The following PLCB1 variants were observed in gnomAD, a reference collection of about 807,000 sequenced individuals.
PLCB1 encodes the protein 1-phosphatidylinositol 4,5-bisphosphate phosphodiesterase beta-1.
In PLCB1, 46 loss-of-function variants were observed where a neutral mutation model predicts 161.8. That is an observed-to-expected ratio of 0.28 (90% CI 0.22 to 0.36). The LOEUF (loss-of-function observed/expected upper bound fraction) is 0.36. PLCB1 is among the 10% of genes least tolerant of loss of function. PLCB1 has a pLI of 1.00. For missense variants in PLCB1, 1,016 were observed against 1,472.5 expected (o/e 0.69, Z 5.07); for synonymous variants, 517 against 503.7 (o/e 1.03, Z -0.35).
intron 3 of PLCB1, among the ~76,000 whole-genome samples, chr20:8,410,646 T>C (rs1482568667): frequency 6.6e-6 from 1 of 152,166 alleles, no homozygotes; most frequent in Non-Finnish European, 1.5e-5. Context: ...TTTAAGTTAA[T>C]TTGTAATTTT....
intron 1 of PLCB1, among the ~76,000 whole-genome samples, chr20:8,141,338 G>A (rs2051400987): frequency 6.6e-6 from 1 of 152,098 alleles, no homozygotes; most frequent in African/African-American, 2.4e-5. Context: ...AGACAAAAAG[G>A]GCAGGCCAGC....
At chr20:8,141,925 G>A (rs1194382156) in intron 1 of PLCB1, 1 of 152,186 alleles carries the variant, frequency 6.6e-6, no homozygotes, top group Non-Finnish European at 1.5e-5. Context: ...CAAGAATATG[G>A]TAGACATGAA....
At chr20:8,735,339 A>G (rs1980523400) in intron 19 of PLCB1, among the ~76,000 whole-genome samples, 1 of 152,204 alleles carries the variant, frequency 6.6e-6, no homozygotes, top group Non-Finnish European at 1.5e-5. Flanking sequence ...TGAGTTGTGA[A>G]GGGGAAATAG....
rs1291637840 is a variant in PLCB1, at chr20:8,383,084, T to C, written c.246+11634T>C. 2.6e-5 allele frequency among the ~76,000 whole-genome samples: 4 copies of C among 152,310 alleles called. No individual in the cohort carries two copies. In the South Asian group the frequency reaches 8.3e-4, roughly 32 times the overall value. ...CAGAGCTGAGTTCAAGTCCTGAATA[T>C]ACTTGTAAATTTTCTGTCTCATTGA... On this transcript the variant is annotated intron_variant, in intron 3 of 31. Transcript: ENST00000338037.
chr20:8,848,351 C>T (rs951131575), intron 31 of PLCB1, among the ~76,000 whole-genome samples: 1 of 152,154 alleles, frequency 6.6e-6, no homozygotes, highest in Non-Finnish European at 1.5e-5. Context: ...ATCTTTAGCT[C>T]TCCCACCAGG....
At chr20:8,226,216 C>T (rs1237174657) in intron 2 of PLCB1, among the ~76,000 whole-genome samples, 2 of 152,188 alleles carry the variant, frequency 1.3e-5, no homozygotes, top group Non-Finnish European at 2.9e-5. Context: ...TCACTGTGAA[C>T]TCTGGCCCCA....
chr20:8,650,362 C>T (rs925013532), intron 7 of PLCB1, among the ~76,000 whole-genome samples: 12 of 152,036 alleles, frequency 7.9e-5, no homozygotes, highest in African/African-American at 2.4e-4. Context: ...CCGCTTTCCA[C>T]GGTAATGATC....
intron 21 of PLCB1, 103 bp downstream of exon 21, chr20:8,739,463 G>C (rs566432235): frequency 5.3e-6 from 4 of 751,956 alleles, no homozygotes; most frequent in African/African-American, 5.2e-5. Context: ...TTTCTGCTTT[G>C]TAATTTTGTT....
At chr20:8,738,395 G>T (rs1237725413) in intron 20 of PLCB1, among the ~76,000 whole-genome samples, 1 of 152,040 alleles carries the variant, frequency 6.6e-6, no homozygotes. Flanking sequence ...GTGTGAGATG[G>T]TATCTCATTG....
chr20:8,761,980 G>GGGGC (rs1555788730), intron 25 of PLCB1, among the ~76,000 whole-genome samples: 1 of 151,690 alleles, frequency 6.6e-6, no homozygotes, highest in African/African-American at 2.4e-5. Flanking sequence ...AGGCCAAGGG[G>GGGGC]GGGGCGGATC....
At chr20:8,571,515 G>A (rs1476948496) in intron 3 of PLCB1, among the ~76,000 whole-genome samples, 1 of 152,084 alleles carries the variant, frequency 6.6e-6, no homozygotes, top group Non-Finnish European at 1.5e-5. Context: ...TAAAGGATCT[G>A]TTTGAGGATG....
At chr20:8,826,191 G>A (rs891246943) in intron 31 of PLCB1, among the ~76,000 whole-genome samples, 100 of 152,106 alleles carry the variant, frequency 6.6e-4, no homozygotes, top group African/African-American at 2.3e-3. Flanking sequence ...AGAGAATATA[G>A]CATGACAAAG....
At chr20:8,438,265 C>G (rs1399261729) in intron 3 of PLCB1, among the ~76,000 whole-genome samples, 1 of 151,994 alleles carries the variant, frequency 6.6e-6, no homozygotes, top group African/African-American at 2.4e-5. Context: ...ACCATATAAG[C>G]AAATAATTTC....
rs1223417914 is a variant in PLCB1 at position 8,765,305 on chromosome 20, C to T, written c.2877C>T (p.Tyr959=). 3 of 1,613,942 alleles carry T rather than the reference C, an allele frequency of 1.9e-6. No individual in the cohort carries two copies. The highest frequency in any genetic ancestry group is 2.5e-6 in the Non-Finnish European group (3 of 1,179,976). The change falls in exon 26 of 32, where the codon TAC becomes TAT. Residue 959 remains tyrosine, a synonymous_variant. Coordinates refer to ENST00000338037, the MANE Select transcript of PLCB1 (RefSeq NM_015192.4). Reference sequence around the variant, plus strand: ...AGTATAATGAAATTCAGAATGACTACTTGAGAAGGAGAGCCGCTTTGGAAA... The same window carrying T: ...AGTATAATGAAATTCAGAATGACTATTTGAGAAGGAGAGCCGCTTTGGAAA... ...TTKYNEIQND[Y]LRRRAALEKS... is the part of the protein sequence containing the mutation.
intron 2 of PLCB1, among the ~76,000 whole-genome samples, chr20:8,157,676 G>T (rs2051575818): frequency 6.6e-6 from 1 of 152,134 alleles, no homozygotes; most frequent in South Asian, 2.1e-4. Flanking sequence ...TATTAGAATG[G>T]AATCATTTAC....
At chr20:8,340,609 A>G (rs1985769698) in intron 2 of PLCB1, among the ~76,000 whole-genome samples, 1 of 151,868 alleles carries the variant, frequency 6.6e-6, no homozygotes, top group Admixed American at 6.6e-5. Context: ...GTTTTTTAGT[A>G]GAGACGGGGT....
At chr20:8,269,535 G>A (rs13044527) in intron 2 of PLCB1, among the ~76,000 whole-genome samples, 32,969 of 152,048 alleles carry the variant, frequency 0.22, 4,051 homozygotes, top group Non-Finnish European at 0.28. Context: ...CAGAGCTTTA[G>A]AAACCCGATG....
At chr20:8,164,253 A>G (rs1488402389) in intron 2 of PLCB1, among the ~76,000 whole-genome samples, 4 of 152,174 alleles carry the variant, frequency 2.6e-5, no homozygotes, top group Non-Finnish European at 1.5e-5. Flanking sequence ...CCAGGACACC[A>G]GGCAGAATGA....
chr20:8,651,665 G>A, intron 7 of PLCB1: 2 of 555,992 alleles, frequency 3.6e-6, no homozygotes, highest in Non-Finnish European at 6.3e-6. Context: ...TGAAACTCAA[G>A]GTTTCAAGGA....
Sources: allele counts gnomAD v4.1 joint callset (sites outside exome capture counted in the v4.1 genomes callset), GRCh38; gene constraint gnomAD v4.1.1; transcripts MANE v1.5; gene names NCBI Gene and HGNC (gene_info 2026-07-23, HGNC 2026-07-21).